The following CPA5 variants were observed in gnomAD, a reference collection of about 807,000 sequenced individuals.
CPA5 encodes the protein carboxypeptidase A5.
CPA5 carries 38 observed loss-of-function variants against 52.2 expected under a neutral mutation model. The ratio of observed to expected loss-of-function variants is 0.73; its 90% CI spans 0.56 to 0.95. The LOEUF is 0.95. CPA5 is among the 40% of genes least tolerant of loss of function. The pLI is 0.00. For synonymous variants in CPA5, 198 were observed against 213.7 expected, an observed-to-expected ratio of 0.93 and a Z score of 0.64; for missense variants, 519 against 566.7, an observed-to-expected ratio of 0.92 and a Z score of 0.86.
chr7:130,367,220 G>A, intron 10 of CPA5, 152 bp from the exon 11 acceptor site: 1 of 650,234 alleles, frequency 1.5e-6, no homozygotes, highest in Non-Finnish European at 2.7e-6. Context: ...TGTCATTTCT[G>A]CTCACCTTTC....
downstream of CPA5, among the ~76,000 whole-genome samples, chr7:130,372,528 A>G (rs1426396924): frequency 6.6e-6 from 1 of 152,152 alleles, no homozygotes; most frequent in Non-Finnish European, 1.5e-5. Context: ...ATTCTGCTCT[A>G]TTTTGACCTC....
Position 130,346,452 on chromosome 7 carries a change from G to T in CPA5, c.-34G>T. 4 of 1,534,716 alleles carry T rather than the reference G, an allele frequency of 2.6e-6. No homozygotes were observed. The highest frequency in any genetic ancestry group is 3.6e-6 in the Non-Finnish European group (4 of 1,113,416). On this transcript the variant is annotated 5_prime_UTR_variant, in exon 3 of 13. The change creates a new upstream start codon in the 5' untranslated region. Coordinates refer to ENST00000474905, the MANE Select transcript of CPA5 (RefSeq NM_080385.5). ...CTGAGGCCTGGGCCATGGTGCCCAA[G>T]GAAAGCCCCTGAAGCTCACCAGGAG...
rs1298695226 is a variant in CPA5, at chr7:130,346,419, G to C, written c.-67G>C. The C allele has an allele frequency of 6.7e-6, 8 of 1,199,370 alleles. No individual in the cohort carries two copies. The highest frequency in any genetic ancestry group is 1.5e-5 in the African/African-American group (1 of 66,902). 74.3% of individuals were successfully genotyped at this position (1,199,370 alleles called of 1,614,324 possible). On this transcript the variant is annotated 5_prime_UTR_variant, in exon 3 of 13. Coordinates refer to ENST00000474905, the MANE Select transcript of CPA5 (RefSeq NM_080385.5). ...CTGGGCTTTCCAGCCTCTAGGTGCT[G>C]TGCTGTCCTGAGGCCTGGGCCATGG...
rs771783292 is a variant in CPA5 at position 130,359,522 on chromosome 7, G to A, written c.334-67G>A. The A allele has an allele frequency of 4.3e-4, 491 of 1,152,940 alleles. 1 individual carries two copies. The highest frequency in any genetic ancestry group is 5.9e-4 in the Non-Finnish European group (469 of 790,980). 71.4% of individuals were successfully genotyped at this position (1,152,940 alleles called of 1,614,324 possible). A position where few individuals can be genotyped will look rare whatever the true frequency, so the allele number is the denominator to read the frequency against. ...CTTTATGCACAGCCAGTGGAGGCAG[G>A]GCTCAGAAGAGGCATAGCCAGCCCA... On this transcript the variant is annotated intron_variant, in intron 5 of 12. Transcript: ENST00000474905.
chr7:130,373,757 CA>C, the CPA5 span, among the ~76,000 whole-genome samples: 1 of 152,254 alleles, frequency 6.6e-6, no homozygotes, highest in Admixed American at 6.5e-5. Context: ...GGAGAGAATG[CA>C]GCGAACATGG....
At chr7:130,358,491 CTGACCAGATCAAG>C (rs1460471269) in intron 5 of CPA5, among the ~76,000 whole-genome samples, 2 of 152,194 alleles carry the variant, frequency 1.3e-5, no homozygotes, top group Non-Finnish European at 2.9e-5. Flanking sequence ...TTCAGGTCAT[CTGACCAGATCAAG>C]TGAGATCATG....
chr7:130,361,027 T>C (rs1795762307), intron 6 of CPA5, 116 bp from the exon 7 acceptor site: 2 of 688,354 alleles, frequency 2.9e-6, no homozygotes, highest in Admixed American at 2.5e-5. Context: ...CTCGAGGGTC[T>C]AAATACCCAA....
intron 10 of CPA5, among the ~76,000 whole-genome samples, chr7:130,366,848 C>T (rs183174645): frequency 3.3e-4 from 51 of 152,354 alleles, no homozygotes; most frequent in African/African-American, 1.2e-3. Flanking sequence ...CTGGATGCAA[C>T]TTCTGAGCCA....
chr7:130,347,907 G>C, intron 4 of CPA5, 60 bp downstream of exon 4: 1 of 1,375,126 alleles, frequency 7.3e-7, no homozygotes, highest in Non-Finnish European at 1.0e-6. Context: ...CACACATTTA[G>C]CTCCTTGTCC....
downstream of CPA5, among the ~76,000 whole-genome samples, chr7:130,369,671 ATGTGCGTGTGTG>A (rs533364270): frequency 4.7e-4 from 71 of 151,974 alleles, no homozygotes; most frequent in East Asian, 0.012. Context: ...ACGTGTGTGC[ATGTGCGTGTGTG>A]TGTCCGTGTG....
chr7:130,364,283 C>G (rs1795954987), intron 10 of CPA5, among the ~76,000 whole-genome samples: 1 of 152,206 alleles, frequency 6.6e-6, no homozygotes, highest in African/African-American at 2.4e-5. Context: ...ATGTCTGCCT[C>G]CTGGGTTCAA....
At chr7:130,368,085 C>A in intron 12 of CPA5, 95 bp downstream of exon 12, 3 of 1,154,920 alleles carry the variant, frequency 2.6e-6, no homozygotes, top group Non-Finnish European at 2.6e-6. Flanking sequence ...TGGCCCAAAG[C>A]TGCCTCCCAC....
In CPA5 at chr7:130,356,032, G is replaced by T. The variant is rs186588318; in HGVS notation, c.334-3557G>T. On this transcript the variant is annotated intron_variant, in intron 5 of 12. Transcript: ENST00000474905. ...CATCCAGTGCCACAGGACTGGAGTTGCTACTGGCCACATAGCTGCTACTGC... is the reference window on the plus strand; with the variant it reads ...CATCCAGTGCCACAGGACTGGAGTTTCTACTGGCCACATAGCTGCTACTGC... Among the ~76,000 whole-genome samples the T allele has an allele frequency of 2.3e-3, 356 of 152,356 alleles. 2 individuals carry two copies. The highest frequency in any genetic ancestry group is 3.9e-3 in the Non-Finnish European group (264 of 68,038).
At chr7:130,351,906 G>A (rs1795168733) in intron 5 of CPA5, among the ~76,000 whole-genome samples, 1 of 152,084 alleles carries the variant, frequency 6.6e-6, no homozygotes, top group Admixed American at 6.5e-5. Flanking sequence ...GGGAGTTCAG[G>A]ACAGGCACAA....
chr7:130,368,133 G>C, intron 12 of CPA5, 143 bp downstream of exon 12: 1 of 830,306 alleles, frequency 1.2e-6, no homozygotes, highest in Admixed American at 2.3e-5. Flanking sequence ...CCAGGGAGCT[G>C]TTTCTTGGCA....
intron 5 of CPA5, among the ~76,000 whole-genome samples, chr7:130,353,523 G>C (rs1795304329): frequency 6.6e-6 from 1 of 152,110 alleles, no homozygotes; most frequent in Admixed American, 6.5e-5. Flanking sequence ...AAGCTCCCCT[G>C]GCCCTTCATC....
chr7:130,371,114 G>A (rs1335597139), downstream of CPA5, among the ~76,000 whole-genome samples: 1 of 152,266 alleles, frequency 6.6e-6, no homozygotes, highest in Non-Finnish European at 1.5e-5. Flanking sequence ...CAAGTCTCTA[G>A]TGGGTGGGGC....
chr7:130,346,482 A>C lies in CPA5; in HGVS notation c.-4A>C, dbSNP rs782812500. On this transcript the variant is annotated 5_prime_UTR_variant, in exon 3 of 13. Transcript: ENST00000474905. The stretch of plus-strand genomic sequence containing the variant: ...GCCCCTGAAGCTCACCAGGAGGAAG[A>C]AGCATGCAGGGCACCCCTGGAGGCG... The C allele has an allele frequency of 1.9e-6, 3 of 1,606,366 alleles. No homozygotes were observed. Among genetic ancestry groups the C allele is most frequent in the East Asian group, 4.5e-5 (2 of 44,846 alleles).
intron 9 of CPA5, 76 bp from the exon 10 acceptor site, chr7:130,363,343 T>C (rs1795897294): frequency 2.4e-6 from 3 of 1,265,630 alleles, no homozygotes; most frequent in Admixed American, 2.0e-5. Flanking sequence ...CCTACCCCCA[T>C]AGGCCAGGAT....
Sources: allele counts gnomAD v4.1 joint callset (sites outside exome capture counted in the v4.1 genomes callset), GRCh38; gene constraint gnomAD v4.1.1; transcripts MANE v1.5; gene names NCBI Gene and HGNC (gene_info 2026-07-23, HGNC 2026-07-21).